Variants in ZNF536 observed in about 807,000 individuals in gnomAD.
The protein encoded by ZNF536 is zinc finger protein 536.
In ZNF536, 13 loss-of-function variants were observed where a neutral mutation model predicts 84.5. The observed-to-expected ratio is 0.15, with a 90% confidence interval of 0.10 to 0.24. ZNF536 has a LOEUF of 0.24. Ranked by LOEUF, ZNF536 falls within the 10% of genes least tolerant of loss-of-function variation. The pLI is 1.00. For missense variants in ZNF536, 1,536 were observed against 1,747.5 expected (o/e 0.88, Z 2.16); for synonymous variants, 811 against 742.5 (o/e 1.09, Z -1.50).
At chr19:30,342,302 C>T (rs2047588792) in intron 2 of ZNF536, among the ~76,000 whole-genome samples, 1 of 152,112 alleles carries the variant, frequency 6.6e-6, no homozygotes, top group African/African-American at 2.4e-5. Flanking sequence ...ATTTTTACTC[C>T]AAGATGTTTA....
intron 1 of ZNF536, among the ~76,000 whole-genome samples, chr19:30,563,567 T>C (rs1317936776): frequency 3.3e-5 from 5 of 152,250 alleles, no homozygotes. Flanking sequence ...AAAGGGAATG[T>C]TCTTGAAGCC....
intron 2 of ZNF536, among the ~76,000 whole-genome samples, chr19:30,482,137 G>A (rs2054115858): frequency 6.6e-6 from 1 of 152,190 alleles, no homozygotes; most frequent in African/African-American, 2.4e-5. Context: ...GTGAATGTGT[G>A]TGTGTGTGTG....
intron 1 of ZNF536, among the ~76,000 whole-genome samples, chr19:30,235,050 G>C (rs1460014053): frequency 1.3e-5 from 2 of 152,324 alleles, no homozygotes; most frequent in Middle Eastern, 6.8e-3. Context: ...GGGCTCTTCG[G>C]TGTAGGTATG....
chr19:30,682,076 C>T lies in ZNF536; in HGVS notation c.170-28681C>T, dbSNP rs557708090. On this transcript the variant is annotated intron_variant, in intron 1 of 1. Coordinates refer to the ZNF536 transcript ENST00000592773. ...AAAGAGGCCTGTATTGCCTTTATGG[C>T]CCAGGAAGGAGAACAACGAGGGAGG... 4.6e-5 allele frequency among the ~76,000 whole-genome samples: 7 copies of T among 152,200 alleles called. No individual in the cohort carries two copies. The East Asian group carries it at 1.2e-3, about 25-fold the overall frequency.
chr19:30,540,900 C>G (rs1430855660), intron 3 of ZNF536, among the ~76,000 whole-genome samples: 1 of 152,246 alleles, frequency 6.6e-6, no homozygotes, highest in Non-Finnish European at 1.5e-5. Context: ...CTTGACCCCT[C>G]CCTCAGACTG....
rs111258727 is a variant in ZNF536 at position 30,605,095 on chromosome 19, G to A, written c.169+55581G>A. Among the ~76,000 whole-genome samples the A allele has an allele frequency of 5.3e-3, 811 of 152,288 alleles. 3 individuals carry two copies. The highest frequency in any genetic ancestry group is 8.9e-3 in the Non-Finnish European group (607 of 68,000). ...TTACAGATGGGAAAACTCAGTCTCC[G>A]CTGGAGGAACTCATTCTACATGTTC... On this transcript the variant is annotated intron_variant, in intron 1 of 1. Coordinates refer to the ZNF536 transcript ENST00000592773.
At position 30,548,852 on chromosome 19, in the gene ZNF536, A is replaced by T. The variant is rs1311317165; in HGVS notation, c.3233A>T (p.Lys1078Met). The change falls in exon 4 of 5, where the codon AAG becomes ATG. Residue 1078 changes from lysine (K) to methionine (M), a missense_variant. Lys to Met is a moderately conservative substitution (Grantham distance 95, BLOSUM62 -1). Around this residue, in one of 8 missense-constraint regions of ZNF536, gnomAD observed 624 missense variants for 603.1 expected, o/e 1.03. Transcript: ENST00000355537. ...AGCTCTCTAGACTCTGCTTCTGAGA[A>T]GATGGCCCAAGGTCAGCTCAAGGAG... ...MISSLDSASE[K>M]MAQGQLKETL... The T allele has an allele frequency of 6.2e-7, 1 of 1,614,144 alleles. No homozygotes were observed. Among genetic ancestry groups the T allele is most frequent in the South Asian group, 1.1e-5 (1 of 91,078 alleles).
At chr19:30,307,530 C>CT (rs1360948966) in intron 2 of ZNF536, among the ~76,000 whole-genome samples, 1 of 151,914 alleles carries the variant, frequency 6.6e-6, no homozygotes, top group South Asian at 2.1e-4. Flanking sequence ...GAAGATGTGC[C>CT]TTTTTTTTCC....
chr19:30,652,305 A>T (rs1251225478), intron 1 of ZNF536, among the ~76,000 whole-genome samples: 1 of 152,172 alleles, frequency 6.6e-6, no homozygotes, highest in Non-Finnish European at 1.5e-5. Context: ...TACTGTTTTA[A>T]TATTTTTCTA....
At chr19:30,388,596 T>G (rs1055403534) in intron 1 of ZNF536, among the ~76,000 whole-genome samples, 2 of 152,300 alleles carry the variant, frequency 1.3e-5, no homozygotes, top group East Asian at 3.9e-4. Context: ...CTTCTTCAAC[T>G]TCTTCACTTG....
chr19:30,292,063 T>C (rs192314877), intron 2 of ZNF536, among the ~76,000 whole-genome samples: 6 of 152,274 alleles, frequency 3.9e-5, no homozygotes, highest in Admixed American at 3.9e-4. Context: ...CCTAAAATAG[T>C]TACCACCTGG....
upstream of ZNF536, among the ~76,000 whole-genome samples, chr19:30,370,622 G>A (rs1418727382): frequency 6.6e-6 from 1 of 152,090 alleles, no homozygotes; most frequent in Non-Finnish European, 1.5e-5. Context: ...TTATGACAAA[G>A]AATGTTATAA....
At position 30,445,162 on chromosome 19, in the gene ZNF536, G is replaced by T; in HGVS notation, c.1600G>T (p.Glu534Ter). ...WQLMARGMAM[E>*]HGFLSKEHPL... ...GCTCATGGCCAGGGGCATGGCCATG[G>T]AACATGGCTTCTTGTCTAAAGAGCA... The change falls in exon 2 of 5, where the codon GAA becomes TAA. Residue 534 changes from glutamate (E) to a stop codon, truncating the protein, a stop_gained. Transcript: ENST00000355537. LOFTEE classifies it high-confidence loss of function. The surrounding 1 kb of genome is among the most constrained non-coding windows in gnomAD (Gnocchi z 4.5). 1 of 1,614,128 alleles carries T rather than the reference G, an allele frequency of 6.2e-7. No homozygotes were observed. The highest frequency in any genetic ancestry group is 1.1e-5 in the South Asian group (1 of 91,080).
At chr19:30,585,392 A>G (rs2047061440) in intron 1 of ZNF536, among the ~76,000 whole-genome samples, 1 of 152,188 alleles carries the variant, frequency 6.6e-6, no homozygotes, top group African/African-American at 2.4e-5. Context: ...TAGTAGATGG[A>G]TGGATGAATG....
At chr19:30,470,321 T>C (rs2053580578) in intron 2 of ZNF536, among the ~76,000 whole-genome samples, 1 of 152,210 alleles carries the variant, frequency 6.6e-6, no homozygotes, top group Admixed American at 6.5e-5. Flanking sequence ...CTTCCCCTGT[T>C]GTTAATATCA....
In ZNF536 at chr19:30,549,255, A is replaced by G. The variant is rs964628126; in HGVS notation, c.3636A>G (p.Thr1212=). 1.9e-6 allele frequency: 3 copies of G among 1,613,940 alleles called. No homozygotes were observed. The highest frequency in any genetic ancestry group is 1.7e-5 in the Admixed American group (1 of 60,028). ...SSDGGDSLQP[T]GTSQPVQGLV... is the part of the protein sequence containing the mutation. ...ATGGCGGGGACAGCCTGCAGCCCAC[A>G]GGCACCTCCCAGCCCGTCCAGGGAC... The change falls in exon 4 of 5, where the codon ACA becomes ACG. Residue 1212 remains threonine, a synonymous_variant. Transcript: ENST00000355537.
rs979778924 is a variant in ZNF536, at chr19:30,449,614, G to C, written c.2170+3882G>C. Among the ~76,000 whole-genome samples, 3 of 152,284 alleles carry C rather than the reference G, an allele frequency of 2.0e-5. No individual in the cohort carries two copies. The East Asian group carries it at 5.8e-4, about 29-fold the overall frequency. On this transcript the variant is annotated intron_variant, in intron 2 of 4. Coordinates refer to ENST00000355537, the MANE Select transcript of ZNF536 (RefSeq NM_014717.3). ...TAATTGAAGTGTTGATGGTGGGAAG[G>C]GGGTAATTGAATGCATTGACCCTCT...
rs555419932 is a variant in ZNF536, at chr19:30,614,942, A to ATTTTTTTTT, written c.169+65442_169+65450dup. On this transcript the variant is annotated intron_variant, in intron 1 of 1. Coordinates refer to the ZNF536 transcript ENST00000592773. ...TTTTCTTTTATTCTCCCCCTTTTCA[A>ATTTTTTTTT]TTTTTTTTTTTTTTTTTTTTTTGAG... Among the ~76,000 whole-genome samples the ATTTTTTTTT allele has an allele frequency of 3.8e-3, 123 of 32,308 alleles. 21 individuals are homozygous for ATTTTTTTTT. The highest frequency in any genetic ancestry group is 0.029 in the Middle Eastern group (2 of 70). 21.2% of individuals were successfully genotyped at this position (32,308 alleles called of 152,430 possible).
intron 1 of ZNF536, among the ~76,000 whole-genome samples, chr19:30,585,613 G>A (rs900661558): frequency 2.0e-5 from 3 of 152,104 alleles, no homozygotes; most frequent in African/African-American, 7.2e-5. Flanking sequence ...ACTGCTTGGG[G>A]TTACCAAGCC....
Sources: gnomAD v4.1 joint callset for allele counts (sites outside exome capture counted in the v4.1 genomes callset) on GRCh38, gnomAD v4.1.1 for gene constraint, gnomAD v4.1.1 regional missense constraint, Gnocchi (gnomAD v3.1) non-coding constraint, MANE v1.5 for transcripts, NCBI Gene and HGNC (gene_info 2026-07-23, HGNC 2026-07-21) for gene names.